DLG2: variants seen among roughly 807,000 people sequenced by gnomAD.
The protein encoded by DLG2 is disks large homolog 2.
A neutral mutation model predicts 132.5 loss-of-function variants in DLG2; 45 were observed. That is an observed-to-expected ratio of 0.34 (90% CI 0.27 to 0.44). The LOEUF (loss-of-function observed/expected upper bound fraction) is 0.44, where lower values mean the gene tolerates loss of function less well. DLG2 is among the 20% of genes least tolerant of loss of function. The pLI is 1.00. For synonymous variants in DLG2, 424 were observed against 419.6 expected, an observed-to-expected ratio of 1.01 and a Z score of -0.13; for missense variants, 1,045 against 1,196.9, an observed-to-expected ratio of 0.87 and a Z score of 1.87.
At chr11:83,724,573 T>A (rs1176727953) in intron 18 of DLG2, among the ~76,000 whole-genome samples, 2 of 148,468 alleles carry the variant, frequency 1.3e-5, no homozygotes, top group East Asian at 4.1e-4. Flanking sequence ...AAGAGGCCAG[T>A]GGTAAATCAA....
At chr11:85,011,382 A>T (rs1447709067) in intron 6 of DLG2, among the ~76,000 whole-genome samples, 2 of 152,182 alleles carry the variant, frequency 1.3e-5, no homozygotes, top group Non-Finnish European at 2.9e-5. Context: ...GCGTGGGATG[A>T]TGTAATCTAT....
chr11:85,610,482 G>A (rs1374440825), intron 2 of DLG2, among the ~76,000 whole-genome samples: 1 of 152,170 alleles, frequency 6.6e-6, no homozygotes, highest in Admixed American at 6.5e-5. Flanking sequence ...CTTTGCCTGT[G>A]AGGACCCCAC....
chr11:85,234,089 G>T (rs1292409866), intron 4 of DLG2, among the ~76,000 whole-genome samples: 1 of 151,770 alleles, frequency 6.6e-6, no homozygotes, highest in Non-Finnish European at 1.5e-5. Flanking sequence ...AAGAGATGTG[G>T]CCTCTGCCCT....
rs577190828 is a variant in DLG2 at position 84,880,944 on chromosome 11, T to C, written c.357+230717A>G. Among the ~76,000 whole-genome samples the C allele has an allele frequency of 7.9e-5, 12 of 152,282 alleles. No homozygotes were observed. The South Asian group carries it at 2.5e-3, about 32-fold the overall frequency. ...CCTATTATGCAAGGCATGTTTCTAA[T>C]AGTAGGGTTACAGAGATTAAAAACT... On this transcript the variant is annotated intron_variant, in intron 6 of 27. Coordinates refer to ENST00000376104, the MANE Select transcript of DLG2 (RefSeq NM_001142699.3).
intron 7 of DLG2, among the ~76,000 whole-genome samples, chr11:84,338,266 C>T (rs770369978): frequency 1.1e-4 from 17 of 152,106 alleles, no homozygotes; most frequent in Admixed American, 2.6e-4. Context: ...TAACATCTAC[C>T]GAGATTCCAA....
intron 9 of DLG2, among the ~76,000 whole-genome samples, chr11:84,161,888 C>T (rs946428482): frequency 6.6e-6 from 1 of 152,132 alleles, no homozygotes; most frequent in Non-Finnish European, 1.5e-5. Flanking sequence ...ATAAGCCTCA[C>T]TTTTCTCCAG....
At chr11:84,464,764 T>G (rs1236733566) in intron 7 of DLG2, among the ~76,000 whole-genome samples, 1 of 151,044 alleles carries the variant, frequency 6.6e-6, no homozygotes, top group African/African-American at 2.4e-5. Context: ...TCAACATAAA[T>G]AGATATGAAT....
intron 18 of DLG2, among the ~76,000 whole-genome samples, chr11:83,712,919 C>T (rs1338852330): frequency 6.6e-6 from 1 of 151,378 alleles, no homozygotes; most frequent in Non-Finnish European, 1.5e-5. Flanking sequence ...CACAAGTTTA[C>T]CTATGTAATA....
At chr11:83,488,021 A>G (rs1317607218) in intron 21 of DLG2, among the ~76,000 whole-genome samples, 1 of 151,944 alleles carries the variant, frequency 6.6e-6, no homozygotes, top group Non-Finnish European at 1.5e-5. Flanking sequence ...AACTCTATGA[A>G]TATACTAGAA....
At chr11:85,139,806 G>C (rs1257409360) in intron 5 of DLG2, among the ~76,000 whole-genome samples, 1 of 151,862 alleles carries the variant, frequency 6.6e-6, no homozygotes, top group East Asian at 1.9e-4. Context: ...AGTAACCACT[G>C]TTTTATTCTG....
intron 7 of DLG2, among the ~76,000 whole-genome samples, chr11:84,494,245 A>C (rs1035610663): frequency 6.6e-6 from 1 of 152,178 alleles, no homozygotes; most frequent in African/African-American, 2.4e-5. Context: ...CTTAGCTCTT[A>C]ATCGGAAAGA....
At chr11:85,376,635 C>G (rs2085426417) in intron 3 of DLG2, among the ~76,000 whole-genome samples, 1 of 152,172 alleles carries the variant, frequency 6.6e-6, no homozygotes, top group African/African-American at 2.4e-5. Context: ...AATAAATGTT[C>G]TTATCCTCTA....
At chr11:84,551,942 C>T (rs2099402568) in intron 6 of DLG2, among the ~76,000 whole-genome samples, 1 of 152,034 alleles carries the variant, frequency 6.6e-6, no homozygotes, top group Non-Finnish European at 1.5e-5. Context: ...CAGCATCTTT[C>T]CTCTCTCATG....
At chr11:85,202,429 C>A (rs931394223) in intron 4 of DLG2, among the ~76,000 whole-genome samples, 2 of 152,046 alleles carry the variant, frequency 1.3e-5, no homozygotes, top group African/African-American at 4.8e-5. Context: ...GAAAAATAAA[C>A]TGCGATATAA....
At chr11:85,571,802 C>T (rs918081305) in intron 3 of DLG2, among the ~76,000 whole-genome samples, 6 of 152,104 alleles carry the variant, frequency 3.9e-5, no homozygotes, top group Admixed American at 2.0e-4. Flanking sequence ...CTTATAAATG[C>T]TTTTGACTAA....
At chr11:85,205,521 A>C (rs1164171265) in intron 4 of DLG2, among the ~76,000 whole-genome samples, 1 of 152,220 alleles carries the variant, frequency 6.6e-6, no homozygotes, top group Admixed American at 6.6e-5. Context: ...TATGTATGTC[A>C]GAATAGCTGT....
intron 18 of DLG2, among the ~76,000 whole-genome samples, chr11:83,753,148 C>A (rs907628147): frequency 6.6e-6 from 1 of 152,252 alleles, no homozygotes; most frequent in Admixed American, 6.5e-5. Flanking sequence ...CATGGCCGGG[C>A]GTGGTGGCTC....
At chr11:84,633,116 A>G (rs1360489208) in intron 6 of DLG2, among the ~76,000 whole-genome samples, 2 of 152,206 alleles carry the variant, frequency 1.3e-5, no homozygotes, top group Admixed American at 6.5e-5. Flanking sequence ...CCATTTAGAG[A>G]AAGTCAGGGC....
intron 3 of DLG2, among the ~76,000 whole-genome samples, chr11:85,584,411 G>T (rs2078832586): frequency 6.6e-6 from 1 of 151,102 alleles, no homozygotes; most frequent in Non-Finnish European, 1.5e-5. Flanking sequence ...CTCGTTGGTT[G>T]ATGGGCATTT....
Sources: allele counts gnomAD v4.1 joint callset (sites outside exome capture counted in the v4.1 genomes callset), GRCh38; gene constraint gnomAD v4.1.1; transcripts MANE v1.5; gene names NCBI Gene and HGNC (gene_info 2026-07-23, HGNC 2026-07-21).